Variants in ZKSCAN2 observed in about 807,000 individuals in gnomAD.
ZKSCAN2 encodes the protein zinc finger protein with KRAB and SCAN domains 2.
In ZKSCAN2, 38 loss-of-function variants were observed where a neutral mutation model predicts 90.5. The observed-to-expected ratio is 0.42, with a 90% CI of 0.32 to 0.55. ZKSCAN2 has a LOEUF of 0.55. ZKSCAN2 is among the 20% of genes least tolerant of loss of function. The pLI is 0.11. For missense variants in ZKSCAN2, 1,167 were observed against 1,202.6 expected (o/e 0.97, Z 0.44); for synonymous variants, 429 against 421.6 (o/e 1.02, Z -0.22).
At chr16:25,240,822 G>A (rs896681559) in intron 6 of ZKSCAN2, 84 bp from the exon 7 acceptor site, 1 of 1,085,166 alleles carries the variant, frequency 9.2e-7, no homozygotes, top group Non-Finnish European at 1.3e-6. Context: ...TGATCCGCTT[G>A]CTCTCCATAC....
intron 5 of ZKSCAN2, 82 bp downstream of exon 5, chr16:25,246,625 G>A: frequency 2.0e-6 from 3 of 1,479,588 alleles, no homozygotes; most frequent in East Asian, 4.5e-5. Flanking sequence ...CACCCCCCGG[G>A]TTTGGCCACT....
Position 25,257,644 on chromosome 16 carries a change from C to A in ZKSCAN2, c.-517G>T. The A allele has an allele frequency of 5.7e-6, 2 of 348,318 alleles. No individual in the cohort carries two copies. Among genetic ancestry groups the A allele is most frequent in the Non-Finnish European group, 8.1e-6 (2 of 247,794 alleles). The allele number at this position is 348,318 out of a possible 1,614,324, so 21.6% of individuals were successfully genotyped here. ...GGGTGCCGCTGGGGCCGCCGGATTC[C>A]GAGAGCGGCGCCGGGCTCTTTCGGG... On this transcript the variant is annotated 5_prime_UTR_variant, in exon 1 of 7. Coordinates refer to ENST00000328086, the MANE Select transcript of ZKSCAN2 (RefSeq NM_001012981.5).
intron 4 of ZKSCAN2, among the ~76,000 whole-genome samples, chr16:25,250,352 G>A (rs186388142): frequency 2.6e-5 from 4 of 152,212 alleles, no homozygotes; most frequent in African/African-American, 9.6e-5. Context: ...AACACTTGGA[G>A]GGCATTGTGC....
intron 6 of ZKSCAN2, 64 bp downstream of exon 6, chr16:25,243,721 T>C: frequency 6.6e-7 from 1 of 1,521,260 alleles, no homozygotes; most frequent in Non-Finnish European, 8.8e-7. Context: ...CAAGATCTAC[T>C]CATTTTTCAG....
Position 25,237,304 on chromosome 16 carries a change from C to T in ZKSCAN2, c.*2512G>A, listed in dbSNP as rs1444551389. 6.6e-6 allele frequency: 1 copy of T among 152,136 alleles called. No homozygotes were observed. Among genetic ancestry groups the T allele is most frequent in the Non-Finnish European group, 1.5e-5 (1 of 68,030 alleles). 9.4% of individuals were successfully genotyped at this position (152,136 alleles called of 1,614,324 possible). On this transcript the variant is annotated 3_prime_UTR_variant, in exon 7 of 7. Transcript: ENST00000328086. The stretch of plus-strand genomic sequence containing the variant: ...AAAATGGGGGGGAGACCTTCCATTT[C>T]TTCAGAACAAAGTTCATCAAATTAA...
At chr16:25,246,677 C>A in intron 5 of ZKSCAN2, 30 bp downstream of exon 5, 1 of 1,611,596 alleles carries the variant, frequency 6.2e-7, no homozygotes, top group South Asian at 1.1e-5. Context: ...CATCTGTTTT[C>A]CTACCAGAGA....
chr16:25,246,601 GGT>G lies in ZKSCAN2; in HGVS notation c.1489+104_1489+105del. The G allele has an allele frequency of 2.7e-6, 3 of 1,120,486 alleles. No homozygotes were observed. In the South Asian group the frequency reaches 4.2e-5, roughly 16 times the overall value. The allele number at this position is 1,120,486 out of a possible 1,614,324, so 69.4% of individuals were successfully genotyped here. On this transcript the variant is annotated intron_variant, in intron 5 of 6. Coordinates refer to ENST00000328086, the MANE Select transcript of ZKSCAN2 (RefSeq NM_001012981.5). ...GGCCACACCACAGTGAAAGTGGTGA[GGT>G]GTGTGTGACAGCACCCCCCGGGTTT...
chr16:25,241,923 G>A (rs1356205431), intron 6 of ZKSCAN2, among the ~76,000 whole-genome samples: 2 of 152,318 alleles, frequency 1.3e-5, no homozygotes, highest in African/African-American at 4.8e-5. Context: ...AGGCTGGAGT[G>A]CAGTGGCATG....
Position 25,255,345 on chromosome 16 carries a change from C to T in ZKSCAN2, c.447G>A (p.Ala149=), listed in dbSNP as rs534718433. 2.2e-5 allele frequency: 35 copies of T among 1,613,320 alleles called. No individual in the cohort carries two copies. Among genetic ancestry groups the T allele is most frequent in the Admixed American group, 3.3e-5 (2 of 59,958 alleles). The stretch of plus-strand genomic sequence containing the variant: ...CTGGCTGGAAGTCTGCCACCTCCCA[C>T]GCTGCTCCAAGTGGGGAGTGCTTCT... ...HREKHSPLGA[A]WEVADFQPEQ... The change falls in exon 2 of 7, where the codon GCG becomes GCA. Residue 149 remains alanine, a synonymous_variant. Transcript: ENST00000328086.
chr16:25,240,294 C>A lies in ZKSCAN2; in HGVS notation c.2426G>T (p.Gly809Val). ...GEKPFKCLDCGKSFNDSSNFG... is the reference protein window; with the variant it reads ...GEKPFKCLDCVKSFNDSSNFG... ...ATTTGAGGAGTCATTAAAGCTTTTT[C>A]CACAGTCAAGACATTTAAAAGGTTT... The change falls in exon 7 of 7, where the codon GGA becomes GTA. Residue 809 changes from glycine (G) to valine (V), a missense_variant. By Grantham distance (109) the Gly-to-Val change is moderately radical. Transcript: ENST00000328086. 6.2e-7 allele frequency: 1 copy of A among 1,614,056 alleles called. No individual in the cohort carries two copies. The highest frequency in any genetic ancestry group is 2.2e-5 in the East Asian group (1 of 44,880).
intron 3 of ZKSCAN2, among the ~76,000 whole-genome samples, chr16:25,252,324 A>C (rs1388350887): frequency 6.6e-6 from 1 of 152,202 alleles, no homozygotes; most frequent in Non-Finnish European, 1.5e-5. Flanking sequence ...ATTTACAGTA[A>C]GTAAAGTAAG....
At chr16:25,250,024 A>G (rs539044446) in intron 4 of ZKSCAN2, among the ~76,000 whole-genome samples, 27 of 152,370 alleles carry the variant, frequency 1.8e-4, no homozygotes, top group Non-Finnish European at 2.8e-4. Context: ...CATAAAAAAG[A>G]AGGAGCCTGG....
At chr16:25,250,265 C>A (rs1008905823) in intron 4 of ZKSCAN2, among the ~76,000 whole-genome samples, 1 of 152,094 alleles carries the variant, frequency 6.6e-6, no homozygotes, top group African/African-American at 2.4e-5. Context: ...GCCGAGATTG[C>A]ACCACTGCAC....
rs753398621 is a variant in ZKSCAN2, at chr16:25,247,016, G to A, written c.1180C>T (p.Arg394Ter). The A allele has an allele frequency of 1.4e-5, 22 of 1,613,994 alleles. No homozygotes were observed. The highest frequency in any genetic ancestry group is 5.9e-6 in the Non-Finnish European group (7 of 1,180,046). Reference sequence around the variant, plus strand: ...TTCTGGAGACTTTTGAACTTGGTTCGACACTGTTCTGGGGTTCTAAGGAAG... The same window carrying A: ...TTCTGGAGACTTTTGAACTTGGTTCAACACTGTTCTGGGGTTCTAAGGAAG... ...CGFLRTPEQCRTKFKSLQKSY... is the reference protein window; with the variant it reads ...CGFLRTPEQC The change falls in exon 5 of 7, where the codon CGA becomes TGA. Residue 394 changes from arginine to a stop codon, truncating the protein, a stop_gained. Coordinates refer to ENST00000328086, the MANE Select transcript of ZKSCAN2 (RefSeq NM_001012981.5). LOFTEE classifies it high-confidence loss of function.
intron 3 of ZKSCAN2, 22 bp downstream of exon 3, chr16:25,252,924 A>G (rs756857847): frequency 2.5e-6 from 4 of 1,600,536 alleles, no homozygotes; most frequent in South Asian, 1.1e-5. Flanking sequence ...TCTCAAAGAA[A>G]AAAAAGACAA....
chr16:25,256,807 C>G lies in ZKSCAN2; in HGVS notation c.321G>C (p.Lys107Asn), dbSNP rs143539580. 1 of 1,614,214 alleles carries G rather than the reference C, an allele frequency of 6.2e-7. No homozygotes were observed. Among genetic ancestry groups the G allele is most frequent in the African/African-American group, 1.3e-5 (1 of 75,054 alleles). ...CTTCCTCTCCACTTTGCGGACACTGCTTCTGTGCCCAAGCCTGAATCTTCT... is the reference window on the plus strand; with the variant it reads ...CTTCCTCTCCACTTTGCGGACACTGGTTCTGTGCCCAAGCCTGAATCTTCT... ...LPEKIQAWAQKQCPQSGEEAV... is the reference protein window; with the variant it reads ...LPEKIQAWAQNQCPQSGEEAV... The change falls in exon 1 of 7, where the codon AAG becomes AAC. Residue 107 changes from lysine (K) to asparagine (N), a missense_variant. By Grantham distance (94) the Lys-to-Asn change is moderately conservative. Transcript: ENST00000328086.
chr16:25,239,863 C>T lies in ZKSCAN2; in HGVS notation c.2857G>A (p.Glu953Lys). 1 of 1,608,536 alleles carries T rather than the reference C, an allele frequency of 6.2e-7. No individual in the cohort carries two copies. The highest frequency in any genetic ancestry group is 8.5e-7 in the Non-Finnish European group (1 of 1,178,442). ...LPHPPSLYCP[E>K]NPHKGKTDEF... is the part of the protein sequence containing the mutation. Reference sequence around the variant, plus strand: ...TCAGTCTTTCCCTTATGTGGGTTCTCAGGGCAATACAGAGATGGAGGGTGT... The same window carrying T: ...TCAGTCTTTCCCTTATGTGGGTTCTTAGGGCAATACAGAGATGGAGGGTGT... The change falls in exon 7 of 7, where the codon GAG becomes AAG. Residue 953 changes from glutamate (E) to lysine (K), a missense_variant. By Grantham distance (56) the Glu-to-Lys change is moderately conservative (BLOSUM62 1). Transcript: ENST00000328086.
chr16:25,252,978 C>T lies in ZKSCAN2; in HGVS notation c.646G>A (p.Val216Met). Residue 216 changes from valine to methionine, a missense_variant, in exon 3 of 7, where the codon GTG (valine) becomes ATG (methionine). Physicochemically the swap from Val to Met is conservative, Grantham distance 21. Transcript: ENST00000328086. Reference protein sequence around the residue: ...ADEWNTLDQEVTTTRLPAGSQ... With the variant: ...ADEWNTLDQEMTTTRLPAGSQ... ...CCAGCAGGAAGCCGTGTGGTTGTCA[C>T]TTCCTGATCTAGGGTATTCCATTCA... 6.2e-7 allele frequency: 1 copy of T among 1,614,062 alleles called. No individual in the cohort carries two copies. Among genetic ancestry groups the T allele is most frequent in the Non-Finnish European group, 8.5e-7 (1 of 1,179,974 alleles).
In ZKSCAN2 at chr16:25,240,286, A is replaced by G. The variant is rs139344700; in HGVS notation, c.2434T>C (p.Phe812Leu). ...PFKCLDCGKS[F>L]NDSSNFGAHQ... ...GCACCAAAATTTGAGGAGTCATTAA[A>G]GCTTTTTCCACAGTCAAGACATTTA... Residue 812 changes from phenylalanine to leucine, a missense_variant, in exon 7 of 7, where the codon TTT becomes CTT. Phe to Leu is a conservative substitution (Grantham distance 22). Transcript: ENST00000328086. The G allele has an allele frequency of 6.2e-7, 1 of 1,614,088 alleles. No individual in the cohort carries two copies. The highest frequency in any genetic ancestry group is 8.5e-7 in the Non-Finnish European group (1 of 1,180,028).
Sources: gnomAD v4.1 joint callset for allele counts (sites outside exome capture counted in the v4.1 genomes callset) on GRCh38, gnomAD v4.1.1 for gene constraint, MANE v1.5 for transcripts, NCBI Gene and HGNC (gene_info 2026-07-23, HGNC 2026-07-21) for gene names.